TENM2: variants seen among roughly 807,000 people sequenced by gnomAD.
TENM2 encodes teneurin-2.
Under a neutral mutation model 245.2 loss-of-function variants are expected in TENM2, and 52 were observed. That is an observed-to-expected ratio of 0.21 (90% CI 0.17 to 0.27). The LOEUF is 0.27. Ranked by LOEUF, TENM2 falls within the 10% of genes least tolerant of loss-of-function variation. The pLI, the probability that TENM2 is intolerant of heterozygous loss-of-function variation, is 1.00. For synonymous variants in TENM2, 1,363 were observed against 1,438.9 expected, an observed-to-expected ratio of 0.95 and a Z score of 1.19; for missense variants, 3,046 against 3,666.8, an observed-to-expected ratio of 0.83 and a Z score of 4.37.
chr5:167,114,211 TTTATA>T, the TENM2 span, among the ~76,000 whole-genome samples: 1 of 152,190 alleles, frequency 6.6e-6, no homozygotes, highest in African/African-American at 2.4e-5. Context: ...AGAAATCGAG[TTTATA>T]GTATATATAT....
At chr5:167,581,820 C>T (rs1775116285) in intron 2 of TENM2, among the ~76,000 whole-genome samples, 1 of 151,506 alleles carries the variant, frequency 6.6e-6, no homozygotes, top group Admixed American at 6.6e-5. Context: ...ATGAAAAAGA[C>T]ACAATTCTTA....
At chr5:167,560,678 T>C (rs1334500111) in intron 2 of TENM2, among the ~76,000 whole-genome samples, 1 of 152,186 alleles carries the variant, frequency 6.6e-6, no homozygotes, top group African/African-American at 2.4e-5. Flanking sequence ...AGCAAACATA[T>C]AAAGCAATTG....
intron 5 of TENM2, among the ~76,000 whole-genome samples, chr5:168,018,529 A>G (rs1242453297): frequency 1.3e-5 from 2 of 151,982 alleles, no homozygotes; most frequent in Non-Finnish European, 2.9e-5. Flanking sequence ...GCAGATATTG[A>G]CTTGTCGACC....
chr5:167,328,762 G>A (rs1179712495), intron 1 of TENM2, among the ~76,000 whole-genome samples: 1 of 152,010 alleles, frequency 6.6e-6, no homozygotes, highest in Non-Finnish European at 1.5e-5. Flanking sequence ...AAACAGTGAG[G>A]TCTTCCCTAG....
chr5:167,474,354 G>T (rs1478270596), intron 2 of TENM2, among the ~76,000 whole-genome samples: 2 of 152,112 alleles, frequency 1.3e-5, no homozygotes, highest in African/African-American at 2.4e-5. Flanking sequence ...CTTCACCTCA[G>T]TCTGAGGGTT....
chr5:167,353,529 A>T (rs1759093627), intron 1 of TENM2, among the ~76,000 whole-genome samples: 1 of 54,862 alleles, frequency 1.8e-5, no homozygotes. Flanking sequence ...TTTTTTTGAG[A>T]CGGAGTCTCG....
chr5:167,464,195 G>A (rs928400183), intron 2 of TENM2, among the ~76,000 whole-genome samples: 1 of 152,164 alleles, frequency 6.6e-6, no homozygotes, highest in Non-Finnish European at 1.5e-5. Flanking sequence ...ATGAGTTGAA[G>A]AGTTCTAGCC....
the TENM2 span, among the ~76,000 whole-genome samples, chr5:167,175,053 A>G: frequency 1.3e-5 from 2 of 152,122 alleles, no homozygotes; most frequent in Non-Finnish European, 2.9e-5. Context: ...TATAGATACC[A>G]TAATTTCCTT....
intron 10 of TENM2, 141 bp from the exon 13 acceptor site, chr5:168,124,709 C>A: frequency 2.7e-6 from 2 of 727,822 alleles, no homozygotes; most frequent in South Asian, 1.9e-5. Context: ...ATAAGTATTT[C>A]TTGGGCTACT....
At chr5:167,137,583 A>T in the TENM2 span, among the ~76,000 whole-genome samples, 7,222 of 152,186 alleles carry the variant, frequency 0.047, 579 homozygotes, top group African/African-American at 0.16. Context: ...TTAAGCCATG[A>T]GTTTTTCTGT....
chr5:167,104,540 G>A, the TENM2 span, among the ~76,000 whole-genome samples: 7 of 152,196 alleles, frequency 4.6e-5, no homozygotes, highest in African/African-American at 1.7e-4. Context: ...TACTTTGTAT[G>A]TGCCTTACCT....
At chr5:167,349,661 G>C (rs1394118368) in intron 1 of TENM2, among the ~76,000 whole-genome samples, 1 of 152,024 alleles carries the variant, frequency 6.6e-6, no homozygotes, top group Admixed American at 6.6e-5. Context: ...TACACACACA[G>C]AATATGCAGT....
the TENM2 span, among the ~76,000 whole-genome samples, chr5:167,078,142 T>G: frequency 6.6e-6 from 1 of 152,106 alleles, no homozygotes; most frequent in Non-Finnish European, 1.5e-5. Context: ...TATGTTTGTG[T>G]GTGTACATGC....
chr5:167,779,883 G>A (rs1313203451), intron 2 of TENM2, among the ~76,000 whole-genome samples: 1 of 152,172 alleles, frequency 6.6e-6, no homozygotes, highest in Non-Finnish European at 1.5e-5. Context: ...TGGGGAGGGA[G>A]GAAGGAAACA....
At chr5:167,920,302 G>T (rs1251056776) in intron 3 of TENM2, among the ~76,000 whole-genome samples, 3 of 147,194 alleles carry the variant, frequency 2.0e-5, no homozygotes, top group Non-Finnish European at 3.0e-5. Flanking sequence ...GACCAGCCTG[G>T]CCAACATGAT....
At chr5:167,261,466 A>T in the TENM2 span, among the ~76,000 whole-genome samples, 1 of 152,138 alleles carries the variant, frequency 6.6e-6, no homozygotes, top group Non-Finnish European at 1.5e-5. Flanking sequence ...CCCCTCAATA[A>T]ATGGTAGATT....
At chr5:167,622,359 GC>G (rs1778232164) in intron 2 of TENM2, among the ~76,000 whole-genome samples, 2 of 152,058 alleles carry the variant, frequency 1.3e-5, no homozygotes, top group African/African-American at 2.4e-5. Flanking sequence ...AGCTCATGTT[GC>G]CCGCATAAAC....
At chr5:168,100,300 T>C (rs1453663510) in intron 9 of TENM2, among the ~76,000 whole-genome samples, 3 of 152,170 alleles carry the variant, frequency 2.0e-5, no homozygotes, top group Non-Finnish European at 4.4e-5. Flanking sequence ...ATAAATTAGT[T>C]CAACCATTGT....
the TENM2 span, among the ~76,000 whole-genome samples, chr5:167,239,296 A>G: frequency 6.6e-6 from 1 of 152,224 alleles, no homozygotes; most frequent in East Asian, 1.9e-4. Flanking sequence ...AACTAGTTTC[A>G]GAGAGCCATA....
Sources: allele counts gnomAD v4.1 joint callset (sites outside exome capture counted in the v4.1 genomes callset), GRCh38; gene constraint gnomAD v4.1.1; transcripts MANE v1.5; gene names NCBI Gene and HGNC (gene_info 2026-07-23, HGNC 2026-07-21).